TTC27: variants seen among roughly 807,000 people sequenced by gnomAD.
TTC27 encodes tetratricopeptide repeat domain 27.
In TTC27, 79 loss-of-function variants were observed where a neutral mutation model predicts 115.9. The observed-to-expected ratio is 0.68, with a 90% CI of 0.57 to 0.82. The LOEUF is 0.82. Among genes scored for constraint, TTC27 ranks in the 40% least tolerant of loss-of-function variants. TTC27 has a pLI of 0.00. For missense variants in TTC27, 1,054 were observed against 993.1 expected (o/e 1.06, Z -0.82); for synonymous variants, 401 against 356.0 (o/e 1.13, Z -1.42).
intron 19 of TTC27, 40 bp from the exon 20 acceptor site, chr2:32,820,776 G>A (rs1352405865): frequency 1.4e-6 from 2 of 1,478,364 alleles, no homozygotes; most frequent in Admixed American, 2.1e-5. Context: ...AAAGAAATTT[G>A]TGTTGTTTTA....
At chr2:32,686,445 T>G (rs997447964) in intron 9 of TTC27, among the ~76,000 whole-genome samples, 1 of 151,462 alleles carries the variant, frequency 6.6e-6, no homozygotes, top group Non-Finnish European at 1.5e-5. Flanking sequence ...AGCTTACGTC[T>G]GTCTCCTGGG....
chr2:32,646,529 G>A (rs1377364661), intron 4 of TTC27, among the ~76,000 whole-genome samples: 3 of 145,540 alleles, frequency 2.1e-5, no homozygotes, highest in Non-Finnish European at 4.5e-5. Context: ...CTGACTAGTA[G>A]AAAAATAGGC....
intron 9 of TTC27, among the ~76,000 whole-genome samples, chr2:32,698,786 C>T (rs1027374719): frequency 3.3e-5 from 5 of 152,014 alleles, no homozygotes; most frequent in East Asian, 1.9e-4. Context: ...GGCCAAGGAA[C>T]GTGTTGTCTT....
chr2:32,691,724 A>G (rs1205220780), intron 9 of TTC27, among the ~76,000 whole-genome samples: 1 of 117,266 alleles, frequency 8.5e-6, no homozygotes, highest in East Asian at 2.6e-4. Flanking sequence ...ATAAATAAAT[A>G]TTACTAGAGT....
At chr2:32,767,470 T>TTTTTG (rs1669675847) in intron 13 of TTC27, among the ~76,000 whole-genome samples, 1 of 147,564 alleles carries the variant, frequency 6.8e-6, no homozygotes, top group Admixed American at 6.8e-5. Context: ...TTTTTTTTTT[T>TTTTTG]GAGACAGAGT....
rs552115893 is a variant in TTC27 at position 32,632,332 on chromosome 2, G to T, written c.267-1544G>T. Among the ~76,000 whole-genome samples the T allele has an allele frequency of 1.1e-4, 16 of 152,022 alleles. No individual in the cohort carries two copies. The South Asian group carries it at 1.5e-3, about 14-fold the overall frequency. On this transcript the variant is annotated intron_variant, in intron 2 of 19. Coordinates refer to ENST00000317907, the MANE Select transcript of TTC27 (RefSeq NM_017735.5). ...CTGGATTCTCATTGCTTTCTTATATGTGTGCACTCTCATAGCAACTAGCCT... is the reference window on the plus strand; with the variant it reads ...CTGGATTCTCATTGCTTTCTTATATTTGTGCACTCTCATAGCAACTAGCCT...
At chr2:32,705,566 T>C (rs1042533496) in intron 10 of TTC27, among the ~76,000 whole-genome samples, 1 of 152,220 alleles carries the variant, frequency 6.6e-6, no homozygotes, top group Non-Finnish European at 1.5e-5. Flanking sequence ...TTATTTCTTC[T>C]TAGAGACAGG....
At chr2:32,806,258 G>T (rs1428344120) in intron 16 of TTC27, among the ~76,000 whole-genome samples, 1 of 152,124 alleles carries the variant, frequency 6.6e-6, no homozygotes, top group Non-Finnish European at 1.5e-5. Context: ...TGAGGCAAAG[G>T]GGTATAGTGC....
rs1240938966 is a variant in TTC27 at position 32,799,664 on chromosome 2, TAAG to T, written c.1999-11357_1999-11355del. 2.0e-5 allele frequency among the ~76,000 whole-genome samples: 3 copies of T among 152,062 alleles called. No homozygotes were observed. In the East Asian group the frequency reaches 5.8e-4, roughly 29 times the overall value. The stretch of plus-strand genomic sequence containing the variant: ...TATGTGACAAGATATTTGTAACAAA[TAAG>T]AAAGATAAAAAGCTAATAATATCCT... On this transcript the variant is annotated intron_variant, in intron 16 of 19. Coordinates refer to ENST00000317907, the MANE Select transcript of TTC27 (RefSeq NM_017735.5).
rs776515945 is a variant in TTC27 at position 32,753,429 on chromosome 2, C to CTTTTTTTTTT, written c.1453-4847_1453-4838dup. Among the ~76,000 whole-genome samples, 271 of 72,886 alleles carry CTTTTTTTTTT rather than the reference C, an allele frequency of 3.7e-3. 34 individuals carry two copies. The highest frequency in any genetic ancestry group is 0.014 in the African/African-American group (249 of 17,998). The allele number at this position is 72,886 out of a possible 152,430, so 47.8% of individuals were successfully genotyped here. On this transcript the variant is annotated intron_variant, in intron 12 of 19. Transcript: ENST00000317907. Reference sequence around the variant, plus strand: ...ATACTCGGTTAATCCAATCAAATGCCTTTTTTTTTTTTTTTTTTTTTTTTT... The same window carrying CTTTTTTTTTT: ...ATACTCGGTTAATCCAATCAAATGCCTTTTTTTTTTTTTTTTTTTTTTTTTTTTTTTTTTT...
At chr2:32,706,075 C>CTGTT (rs757011051) in intron 10 of TTC27, among the ~76,000 whole-genome samples, 11 of 83,040 alleles carry the variant, frequency 1.3e-4, no homozygotes, top group Non-Finnish European at 2.4e-4. Flanking sequence ...ATTTACCTTA[C>CTGTT]TCTTTTTTTT....
intron 7 of TTC27, among the ~76,000 whole-genome samples, chr2:32,669,412 A>G (rs1410924554): frequency 6.6e-6 from 1 of 152,272 alleles, no homozygotes; most frequent in Non-Finnish European, 1.5e-5. Context: ...AGATAGAAAC[A>G]TAGCTTTATT....
At chr2:32,773,236 C>T (rs1558336522) in intron 13 of TTC27, among the ~76,000 whole-genome samples, 1 of 152,114 alleles carries the variant, frequency 6.6e-6, no homozygotes, top group East Asian at 1.9e-4. Context: ...CTTGCCTTCA[C>T]GATTTGCCCT....
At chr2:32,805,314 T>A (rs141873611) in intron 16 of TTC27, among the ~76,000 whole-genome samples, 1 of 152,226 alleles carries the variant, frequency 6.6e-6, no homozygotes, top group African/African-American at 2.4e-5. Flanking sequence ...AGAGGTGTTA[T>A]CTGCCTCATT....
intron 16 of TTC27, among the ~76,000 whole-genome samples, chr2:32,787,829 T>C (rs545787069): frequency 1.3e-5 from 2 of 151,874 alleles, no homozygotes; most frequent in African/African-American, 4.8e-5. Flanking sequence ...AATAAATAAA[T>C]AAACAAAACT....
chr2:32,664,674 C>T (rs760610370), intron 6 of TTC27, among the ~76,000 whole-genome samples: 3 of 152,042 alleles, frequency 2.0e-5, no homozygotes, highest in East Asian at 3.8e-4. Context: ...CCATTTATTG[C>T]GCTGATCTGT....
At chr2:32,646,049 G>A (rs910626791) in intron 4 of TTC27, among the ~76,000 whole-genome samples, 4 of 147,286 alleles carry the variant, frequency 2.7e-5, no homozygotes, top group Admixed American at 6.8e-5. Flanking sequence ...TTTTTTTTGA[G>A]ATGGAGTCTC....
rs142030247 is a variant in TTC27, at chr2:32,682,844, G to GTTTTTTTTTTTTTTTTTTTT, written c.1119+3924_1119+3925insTTTTTTTTTTTTTTTTTTTT. 5.3e-4 allele frequency among the ~76,000 whole-genome samples: 30 copies of GTTTTTTTTTTTTTTTTTTTT among 56,980 alleles called. 10 individuals carry two copies. The highest frequency in any genetic ancestry group is 0.04 in the Middle Eastern group (2 of 50). The allele number at this position is 56,980 out of a possible 152,430, so 37.4% of individuals were successfully genotyped here. A position where few individuals can be genotyped will look rare whatever the true frequency, so the allele number is the denominator to read the frequency against. ...CCACCACACCCGGATAATTTTTATTGTTGTTTTTTTTTTTTTTTTTTTTTT... is the reference window on the plus strand; with the variant it reads ...CCACCACACCCGGATAATTTTTATTGTTTTTTTTTTTTTTTTTTTTTTGTTTTTTTTTTTTTTTTTTTTTT... On this transcript the variant is annotated intron_variant, in intron 9 of 19. Coordinates refer to ENST00000317907, the MANE Select transcript of TTC27 (RefSeq NM_017735.5).
In TTC27 at chr2:32,628,076, A is replaced by G. The variant is rs982541310; in HGVS notation, c.-217A>G. ...TTCTCCTAGGCGGAAGCCAGACCAG[A>G]GAGCGTGCGTGTTTTTCCCAGGGTG... On this transcript the variant is annotated 5_prime_UTR_variant, in exon 1 of 20. Transcript: ENST00000317907. 1.8e-6 allele frequency: 1 copy of G among 545,198 alleles called. No homozygotes were observed. The highest frequency in any genetic ancestry group is 2.0e-5 in the African/African-American group (1 of 50,416). 33.8% of individuals were successfully genotyped at this position (545,198 alleles called of 1,614,324 possible). A position where few individuals can be genotyped will look rare whatever the true frequency, so the allele number is the denominator to read the frequency against.
Sources: gnomAD v4.1 joint callset for allele counts (sites outside exome capture counted in the v4.1 genomes callset) on GRCh38, gnomAD v4.1.1 for gene constraint, MANE v1.5 for transcripts, NCBI Gene and HGNC (gene_info 2026-07-23, HGNC 2026-07-21) for gene names.